The following ERC2 variants were observed in gnomAD, a reference collection of about 807,000 sequenced individuals.
ERC2 encodes the protein ERC protein 2.
ERC2 carries 42 observed loss-of-function variants against 114.8 expected under a neutral mutation model. The observed-to-expected ratio is 0.37, with a 90% CI of 0.29 to 0.47. The LOEUF (loss-of-function observed/expected upper bound fraction) is 0.47. ERC2 is among the 20% of genes least tolerant of loss of function. The pLI, the probability that ERC2 is intolerant of heterozygous loss-of-function variation, is 0.99. For synonymous variants in ERC2, 454 were observed against 425.5 expected (o/e 1.07, Z -0.82); for missense variants, 939 against 1,150.7 (o/e 0.82, Z 2.66).
chr3:56,117,924 T>A (rs1332498744), intron 6 of ERC2, among the ~76,000 whole-genome samples: 1 of 152,186 alleles, frequency 6.6e-6, no homozygotes, highest in Non-Finnish European at 1.5e-5. Context: ...GAGCAGATTT[T>A]AGACAGTGAA....
At chr3:55,652,545 T>G (rs1047005959) in intron 17 of ERC2, among the ~76,000 whole-genome samples, 1 of 152,068 alleles carries the variant, frequency 6.6e-6, no homozygotes, top group African/African-American at 2.4e-5. Context: ...GGGCTTCATA[T>G]GCATTCTCTC....
intron 4 of ERC2, among the ~76,000 whole-genome samples, chr3:56,151,026 C>A (rs2081384226): frequency 6.6e-6 from 1 of 152,096 alleles, no homozygotes. Flanking sequence ...GGAAGAGAGC[C>A]CTCACCAGAA....
intron 17 of ERC2, among the ~76,000 whole-genome samples, chr3:55,642,470 G>T (rs1272600397): frequency 1.3e-5 from 2 of 151,944 alleles, no homozygotes. Flanking sequence ...AAGTAGCTGG[G>T]ACTACAGCAT....
intron 17 of ERC2, among the ~76,000 whole-genome samples, chr3:55,624,422 T>C (rs2059434004): frequency 6.6e-6 from 1 of 152,086 alleles, no homozygotes; most frequent in African/African-American, 2.4e-5. Flanking sequence ...AAGGTGAACA[T>C]GGCTGGGGCA....
intron 7 of ERC2, among the ~76,000 whole-genome samples, chr3:56,030,647 T>C (rs937966214): frequency 3.9e-5 from 6 of 152,176 alleles, no homozygotes; most frequent in African/African-American, 1.4e-4. Flanking sequence ...ATTTTAAAAA[T>C]TAATGTTAGA....
At chr3:55,666,374 T>C (rs934889553) in intron 17 of ERC2, among the ~76,000 whole-genome samples, 5 of 152,182 alleles carry the variant, frequency 3.3e-5, no homozygotes, top group Non-Finnish European at 1.5e-5. Flanking sequence ...AACACACACA[T>C]GGACATTTTC....
rs1379964174 is a variant in ERC2, at chr3:56,273,614, C to CT, written c.1074+22404dup. Among the ~76,000 whole-genome samples, 3 of 149,260 alleles carry CT rather than the reference C, an allele frequency of 2.0e-5. No homozygotes were observed. In the East Asian group the frequency reaches 5.8e-4, roughly 29 times the overall value. On this transcript the variant is annotated intron_variant, in intron 3 of 17. Coordinates refer to ENST00000288221, the MANE Select transcript of ERC2 (RefSeq NM_015576.3). ...AAATCAAACAAACTGTATTTTTTTT[C>CT]TTATGGCTCTCAGCCATATTTTTTC...
intron 17 of ERC2, among the ~76,000 whole-genome samples, chr3:55,534,441 C>A (rs544071770): frequency 6.7e-6 from 1 of 150,124 alleles, no homozygotes; most frequent in Admixed American, 6.6e-5. Flanking sequence ...CGCCTGTAAT[C>A]CCAGCACTTT....
At chr3:56,372,025 T>C (rs1361744772) in intron 2 of ERC2, among the ~76,000 whole-genome samples, 1 of 152,234 alleles carries the variant, frequency 6.6e-6, no homozygotes, top group East Asian at 1.9e-4. Context: ...TATGAGTCTA[T>C]AGGGCTTCAA....
At chr3:55,604,991 T>A (rs1251040781) in intron 17 of ERC2, among the ~76,000 whole-genome samples, 1 of 152,166 alleles carries the variant, frequency 6.6e-6, no homozygotes, top group Non-Finnish European at 1.5e-5. Flanking sequence ...TTTACATTAC[T>A]AAGAAGTCCC....
At chr3:56,385,512 T>G (rs540615044) in intron 2 of ERC2, among the ~76,000 whole-genome samples, 1 of 152,152 alleles carries the variant, frequency 6.6e-6, no homozygotes, top group East Asian at 1.9e-4. Flanking sequence ...CCATACACCA[T>G]ATACCAGATT....
At chr3:55,630,793 G>A (rs1174662747) in intron 17 of ERC2, among the ~76,000 whole-genome samples, 3 of 152,032 alleles carry the variant, frequency 2.0e-5, no homozygotes, top group Admixed American at 2.0e-4. Context: ...CCTGCCACTG[G>A]GAAAAGTACA....
chr3:56,106,434 A>C (rs1332217739), intron 6 of ERC2, among the ~76,000 whole-genome samples: 1 of 152,194 alleles, frequency 6.6e-6, no homozygotes, highest in African/African-American at 2.4e-5. Context: ...AGGACACAAC[A>C]ATAAGTGTGT....
chr3:56,268,148 T>A (rs1404368331), intron 3 of ERC2, among the ~76,000 whole-genome samples: 2 of 152,200 alleles, frequency 1.3e-5, no homozygotes, highest in South Asian at 2.1e-4. Flanking sequence ...TAATACTGTA[T>A]TTTTACTGGA....
intron 4 of ERC2, among the ~76,000 whole-genome samples, chr3:56,150,504 A>T (rs1044040520): frequency 6.6e-6 from 1 of 152,188 alleles, no homozygotes; most frequent in Non-Finnish European, 1.5e-5. Context: ...TCTCAGAAAA[A>T]CTTCAAGAAG....
chr3:56,075,517 AGAAGTGGCT>A (rs1462386464), intron 7 of ERC2, among the ~76,000 whole-genome samples: 1 of 152,194 alleles, frequency 6.6e-6, no homozygotes, highest in East Asian at 1.9e-4. Context: ...TAAGGTAGCC[AGAAGTGGCT>A]TCTGCTGTTT....
intron 4 of ERC2, among the ~76,000 whole-genome samples, chr3:56,158,653 C>A (rs2081873684): frequency 6.6e-6 from 1 of 151,886 alleles, no homozygotes; most frequent in East Asian, 1.9e-4. Flanking sequence ...CATAGAGAAG[C>A]AGTAAGCAGC....
chr3:56,445,517 G>C (rs918415125), intron 1 of ERC2, among the ~76,000 whole-genome samples: 1 of 152,056 alleles, frequency 6.6e-6, no homozygotes, highest in South Asian at 2.1e-4. Flanking sequence ...CAAAATATCA[G>C]CTAAACTGTT....
At chr3:55,783,401 G>T (rs2069220434) in intron 14 of ERC2, among the ~76,000 whole-genome samples, 1 of 152,174 alleles carries the variant, frequency 6.6e-6, no homozygotes, top group African/African-American at 2.4e-5. Context: ...AATGTGCCTA[G>T]ATTGTTATTT....
Sources: gnomAD v4.1 joint callset for allele counts (sites outside exome capture counted in the v4.1 genomes callset) on GRCh38, gnomAD v4.1.1 for gene constraint, MANE v1.5 for transcripts, NCBI Gene and HGNC (gene_info 2026-07-23, HGNC 2026-07-21) for gene names.